Variants in TFAP2D observed in about 807,000 individuals in gnomAD.
TFAP2D encodes transcription factor AP-2-delta.
Under a neutral mutation model 43.6 loss-of-function variants are expected in TFAP2D, and 9 were observed. The observed-to-expected ratio is 0.21, with a 90% CI of 0.12 to 0.36. The LOEUF (loss-of-function observed/expected upper bound fraction) is 0.36. Among genes scored for constraint, TFAP2D ranks in the 10% least tolerant of loss-of-function variants. TFAP2D has a pLI of 1.00. For synonymous variants in TFAP2D, 256 were observed against 224.9 expected (o/e 1.14, Z -1.24); for missense variants, 513 against 561.4 (o/e 0.91, Z 0.87).
At chr6:50,719,729 T>G (rs894412537) in intron 3 of TFAP2D, among the ~76,000 whole-genome samples, 5 of 152,188 alleles carry the variant, frequency 3.3e-5, no homozygotes, top group African/African-American at 9.7e-5. Flanking sequence ...CCAGGACATT[T>G]CTTTCTTTAA....
intron 3 of TFAP2D, among the ~76,000 whole-genome samples, chr6:50,722,163 C>T (rs1768736407): frequency 6.6e-6 from 1 of 152,198 alleles, no homozygotes; most frequent in Non-Finnish European, 1.5e-5. Flanking sequence ...AAAATATTTG[C>T]CACTGCCTCG....
chr6:50,715,412 C>A lies in TFAP2D; in HGVS notation c.336C>A (p.Asp112Glu), dbSNP rs1768602478. 2 of 1,614,178 alleles carry A rather than the reference C, an allele frequency of 1.2e-6. No individual in the cohort carries two copies. Among genetic ancestry groups the A allele is most frequent in the African/African-American group, 2.7e-5 (2 of 75,054 alleles). Residue 112 changes from aspartate to glutamate, a missense_variant, in exon 2 of 8, where the codon GAC becomes GAA. Transcript: ENST00000008391. ...AGATCCACCACGGGGAGCCCACCGA[C>A]TTTATTAACCTGCACAATGCGCGGG... ...YQQIHHGEPT[D>E]FINLHNARAL... is the part of the protein sequence containing the mutation.
Position 50,751,255 on chromosome 6 carries a change from C to T in TFAP2D, c.1070C>T (p.Ser357Leu), listed in dbSNP as rs749693255. 2 of 1,611,546 alleles carry T rather than the reference C, an allele frequency of 1.2e-6. No homozygotes were observed. Among genetic ancestry groups the T allele is most frequent in the Non-Finnish European group, 1.7e-6 (2 of 1,178,306 alleles). The change falls in exon 7 of 8, where the codon TCA becomes TTA. Residue 357 changes from serine to leucine, a missense_variant. By Grantham distance (145) the Ser-to-Leu change is moderately radical. This residue lies in a region of TFAP2D where 199 missense variants were observed against 227.9 expected (regional missense o/e 0.87). Transcript: ENST00000008391. The stretch of plus-strand genomic sequence containing the variant: ...CAAGACCTCTTGAGCCAAGATAGAT[C>T]ACCACTGGGATCCTCCAGACCCACT... ...EFQDLLSQDR[S>L]PLGSSRPTPI...
At chr6:50,721,889 A>C in intron 3 of TFAP2D, among the ~76,000 whole-genome samples, 1 of 152,236 alleles carries the variant, frequency 6.6e-6, no homozygotes, top group East Asian at 1.9e-4. Flanking sequence ...AAAGACCCCA[A>C]ATGATGTTCT....
chr6:50,743,214 G>T (rs184546201), intron 5 of TFAP2D, among the ~76,000 whole-genome samples: 1 of 152,078 alleles, frequency 6.6e-6, no homozygotes, highest in Admixed American at 6.6e-5. Context: ...AATATGTGTG[G>T]AGAGGGGCAT....
chr6:50,734,568 C>CT (rs1768937370), intron 5 of TFAP2D, among the ~76,000 whole-genome samples: 1 of 152,060 alleles, frequency 6.6e-6, no homozygotes, highest in Middle Eastern at 3.2e-3. Context: ...CTGCCTAAGT[C>CT]TTAGGAATCC....
rs781726186 is a variant in TFAP2D at position 50,714,030 on chromosome 6, A to G, written c.-26A>G. On this transcript the variant is annotated 5_prime_UTR_variant, in exon 1 of 8. Transcript: ENST00000008391. The stretch of plus-strand genomic sequence containing the variant: ...TTCTTTTTTTGGAGGGGGAAATTGC[A>G]TCGTAAGCTTTCGGAGAAACCCAAC... 3 of 1,612,580 alleles carry G rather than the reference A, an allele frequency of 1.9e-6. No homozygotes were observed. The highest frequency in any genetic ancestry group is 2.5e-6 in the Non-Finnish European group (3 of 1,179,736).
chr6:50,717,367 A>G (rs151277394), intron 2 of TFAP2D, among the ~76,000 whole-genome samples: 1 of 152,388 alleles, frequency 6.6e-6, no homozygotes, highest in South Asian at 2.1e-4. Flanking sequence ...AAGTTTGTTA[A>G]GTGAAGAAAC....
chr6:50,746,532 C>T (rs904460459), intron 6 of TFAP2D, among the ~76,000 whole-genome samples: 3 of 152,100 alleles, frequency 2.0e-5, no homozygotes, highest in African/African-American at 7.2e-5. Flanking sequence ...GCCACTATGC[C>T]CAGCCTTAGG....
At chr6:50,757,549 C>A (rs5016906) in intron 7 of TFAP2D, among the ~76,000 whole-genome samples, 1 of 35,220 alleles carries the variant, frequency 2.8e-5, no homozygotes, top group Non-Finnish European at 5.4e-5. Context: ...ATATAGAATA[C>A]ATATAATTAT....
At chr6:50,745,032 T>G in intron 5 of TFAP2D, 75 bp from the exon 6 acceptor site, 2 of 1,559,570 alleles carry the variant, frequency 1.3e-6, no homozygotes, top group Non-Finnish European at 1.7e-6. Context: ...GAGTGAGGCT[T>G]GAGCAAAATG....
chr6:50,732,166 A>T lies in TFAP2D; in HGVS notation c.883+2854A>T, dbSNP rs189486471. ...AAAATTCAAAAACTAGATTTTTAGT[A>T]TCTAAAACAGGCCATTGGCTTTCTT... On this transcript the variant is annotated intron_variant, in intron 5 of 7. Transcript: ENST00000008391. 2.7e-4 allele frequency among the ~76,000 whole-genome samples: 41 copies of T among 152,230 alleles called. No individual in the cohort carries two copies. In the East Asian group the frequency reaches 4.2e-3, roughly 16 times the overall value.
chr6:50,722,706 T>C (rs954793725), intron 3 of TFAP2D, among the ~76,000 whole-genome samples: 1 of 151,852 alleles, frequency 6.6e-6, no homozygotes, highest in Non-Finnish European at 1.5e-5. Flanking sequence ...TAGTGGGCTG[T>C]GGACCTCAGA....
At chr6:50,727,824 G>A (rs904784870) in intron 3 of TFAP2D, among the ~76,000 whole-genome samples, 1 of 152,140 alleles carries the variant, frequency 6.6e-6, no homozygotes. Context: ...TTTGGATCCC[G>A]GAACTGTATA....
At chr6:50,731,565 A>G (rs984271173) in intron 5 of TFAP2D, among the ~76,000 whole-genome samples, 7 of 151,976 alleles carry the variant, frequency 4.6e-5, no homozygotes, top group African/African-American at 1.7e-4. Context: ...AACCCACTAC[A>G]TTTATTTCAC....
chr6:50,771,712 C>G (rs1425366491), intron 7 of TFAP2D, among the ~76,000 whole-genome samples: 5 of 152,132 alleles, frequency 3.3e-5, no homozygotes, highest in Non-Finnish European at 4.4e-5. Context: ...TCTCACACCA[C>G]TTAGAATGGC....
intron 3 of TFAP2D, among the ~76,000 whole-genome samples, chr6:50,724,902 T>C (rs1768786444): frequency 6.6e-6 from 1 of 151,824 alleles, no homozygotes. Flanking sequence ...CGTGCGTGCA[T>C]CCATTTCCCA....
At chr6:50,742,885 CA>C (rs1350432867) in intron 5 of TFAP2D, among the ~76,000 whole-genome samples, 1 of 151,020 alleles carries the variant, frequency 6.6e-6, no homozygotes, top group Non-Finnish European at 1.5e-5. Context: ...TGAAACTTCT[CA>C]AATAATCTCC....
chr6:50,730,292 T>G (rs557172050), intron 5 of TFAP2D, among the ~76,000 whole-genome samples: 11 of 152,254 alleles, frequency 7.2e-5, no homozygotes, highest in Middle Eastern at 3.4e-3. Flanking sequence ...CAGAATTGCT[T>G]TGGTGATTTT....
Sources: gnomAD v4.1 joint callset for allele counts (sites outside exome capture counted in the v4.1 genomes callset) on GRCh38, gnomAD v4.1.1 for gene constraint, gnomAD v4.1.1 regional missense constraint, MANE v1.5 for transcripts, NCBI Gene and HGNC (gene_info 2026-07-23, HGNC 2026-07-21) for gene names.